The following MIDN variants were observed in gnomAD, a reference collection of about 807,000 sequenced individuals.
The protein encoded by MIDN is midnolin.
MIDN carries 26 observed loss-of-function variants against 46.1 expected under a neutral mutation model. The observed-to-expected ratio is 0.56, with a 90% confidence interval of 0.41 to 0.78. The LOEUF (loss-of-function observed/expected upper bound fraction) is 0.78. MIDN is among the 30% of genes least tolerant of loss of function. The probability of loss-of-function intolerance (pLI) is 0.00; values close to 1 mark genes in which losing one functional copy is unlikely to be tolerated. For synonymous variants in MIDN, 432 were observed against 343.3 expected, an observed-to-expected ratio of 1.26 and a Z score of -2.86; for missense variants, 850 against 771.8, an observed-to-expected ratio of 1.10 and a Z score of -1.20.
chr19:1,255,155 G>A, intron 7 of MIDN, 94 bp downstream of exon 7: 1 of 1,416,508 alleles, frequency 7.1e-7, no homozygotes, highest in Non-Finnish European at 9.7e-7. Context: ...CACATATTCT[G>A]GGCATACACA....
chr19:1,255,756 T>C (rs2081192323), intron 8 of MIDN, 62 bp downstream of exon 8: 4 of 1,427,300 alleles, frequency 2.8e-6, no homozygotes, highest in Non-Finnish European at 3.7e-6. Flanking sequence ...AAGGCCCCTC[T>C]GTGTGAGCTG....
intron 3 of MIDN, 39 bp downstream of exon 3, chr19:1,251,688 G>A (rs1187200152): frequency 6.3e-7 from 1 of 1,575,340 alleles, no homozygotes; most frequent in Non-Finnish European, 8.7e-7. Flanking sequence ...AGAGGCCCCC[G>A]CACACAGGCA....
At chr19:1,253,390 C>T (rs78900759) in intron 4 of MIDN, among the ~76,000 whole-genome samples, 2 of 151,406 alleles carry the variant, frequency 1.3e-5, no homozygotes, top group African/African-American at 4.9e-5. Flanking sequence ...TGAGTCATCC[C>T]AGCCTATGTC....
chr19:1,254,960 C>G lies in MIDN; in HGVS notation c.884C>G (p.Ser295Cys), dbSNP rs1315330602. Residue 295 changes from serine (S) to cysteine (C), a missense_variant, in exon 7 of 9, where the codon TCT (serine) becomes TGT (cysteine). Coordinates refer to ENST00000682408, the MANE Select transcript of MIDN (RefSeq NM_001388306.1). ...SSASPGASTT[S>C]TPGASPAPRS... Reference sequence around the variant, plus strand: ...GCCAGTCCTGGTGCCAGCACCACGTCTACCCCAGGGGCCAGCCCTGCCCCC... The same window carrying G: ...GCCAGTCCTGGTGCCAGCACCACGTGTACCCCAGGGGCCAGCCCTGCCCCC... 1 of 1,612,802 alleles carries G rather than the reference C, an allele frequency of 6.2e-7. No individual in the cohort carries two copies. The highest frequency in any genetic ancestry group is 8.5e-7 in the Non-Finnish European group (1 of 1,179,846).
rs752739121 is a variant in MIDN, at chr19:1,257,311, C to T, written c.*39C>T. ...GCCACCCTCGCCCCTCGCACCCCAG[C>T]CCAGGGCGGCGGGGACTCCGAGAGC... On this transcript the variant is annotated 3_prime_UTR_variant, in exon 9 of 9. Coordinates refer to ENST00000682408, the MANE Select transcript of MIDN (RefSeq NM_001388306.1). The T allele has an allele frequency of 3.8e-5, 60 of 1,584,764 alleles. No individual in the cohort carries two copies. The highest frequency in any genetic ancestry group is 7.8e-5 in the South Asian group (7 of 90,140).
At chr19:1,251,499 C>A in intron 2 of MIDN, 63 bp from the exon 3 acceptor site, 1 of 1,471,358 alleles carries the variant, frequency 6.8e-7, no homozygotes, top group African/African-American at 1.4e-5. Context: ...TCCCCCGCGG[C>A]CTCTGCTTCC....
chr19:1,256,279 C>G (rs918154545), intron 8 of MIDN, among the ~76,000 whole-genome samples: 1 of 152,146 alleles, frequency 6.6e-6, no homozygotes. Flanking sequence ...GTCAGGAGAT[C>G]GAGACCATCT....
In MIDN at chr19:1,255,022, G is replaced by C; in HGVS notation, c.946G>C (p.Val316Leu). The C allele has an allele frequency of 6.2e-7, 1 of 1,613,344 alleles. No individual in the cohort carries two copies. The highest frequency in any genetic ancestry group is 1.1e-5 in the South Asian group (1 of 91,080). The change falls in exon 7 of 9, where the codon GTG becomes CTG. Residue 316 changes from valine to leucine, a missense_variant. By Grantham distance (32) the Val-to-Leu change is conservative. Coordinates refer to ENST00000682408, the MANE Select transcript of MIDN (RefSeq NM_001388306.1). ...RKPGAVIESF[V>L]NHAPGVFSGT... ...ACCCGGCGCCGTCATCGAGAGCTTT[G>C]TGAATCACGCCCCGGGGGTCTTCTC...
rs988526248 is a variant in MIDN at position 1,254,047 on chromosome 19, C to T, written c.478C>T (p.Pro160Ser). ...LFKRPWHRQGPQSPERGGERP... is the reference protein window; with the variant it reads ...LFKRPWHRQGSQSPERGGERP... Reference sequence around the variant, plus strand: ...TAAGCGTCCGTGGCACCGACAGGGACCCCAGAGCCCAGAGAGGGGCGGCGA... The same window carrying T: ...TAAGCGTCCGTGGCACCGACAGGGATCCCAGAGCCCAGAGAGGGGCGGCGA... Residue 160 changes from proline (P) to serine (S), a missense_variant, in exon 5 of 9, where the codon CCC (proline) becomes TCC (serine). Coordinates refer to ENST00000682408, the MANE Select transcript of MIDN (RefSeq NM_001388306.1). 2.1e-6 allele frequency: 3 copies of T among 1,447,624 alleles called. No homozygotes were observed. Among genetic ancestry groups the T allele is most frequent in the African/African-American group, 1.5e-5 (1 of 66,462 alleles). 89.7% of individuals were successfully genotyped at this position (1,447,624 alleles called of 1,614,324 possible). A position where few individuals can be genotyped will look rare whatever the true frequency, so the allele number is the denominator to read the frequency against.
At position 1,258,475 on chromosome 19, in the gene MIDN, G is replaced by A. The variant is rs1223338266; in HGVS notation, c.*1203G>A. The A allele has an allele frequency of 6.6e-6, 1 of 152,524 alleles. No homozygotes were observed. Among genetic ancestry groups the A allele is most frequent in the Non-Finnish European group, 1.5e-5 (1 of 68,056 alleles). 9.4% of individuals were successfully genotyped at this position (152,524 alleles called of 1,614,324 possible). On this transcript the variant is annotated 3_prime_UTR_variant, in exon 9 of 9. Transcript: ENST00000682408. ...GGGGAGGGACAAATCCCCTACTGGG[G>A]CCATTTCAATGGGGTAGTTTTTGGA...
At chr19:1,255,149 T>C in intron 7 of MIDN, 88 bp downstream of exon 7, 1 of 1,444,164 alleles carries the variant, frequency 6.9e-7, no homozygotes, top group Non-Finnish European at 9.5e-7. Context: ...CGACTCCACA[T>C]ATTCTGGGCA....
At position 1,256,935 on chromosome 19, in the gene MIDN, G is replaced by C. The variant is rs2081205734; in HGVS notation, c.1259-60G>C. On this transcript the variant is annotated intron_variant, in intron 8 of 8. Transcript: ENST00000682408. Reference sequence around the variant, plus strand: ...AGGGGCATTTGCTGGGGTCTGGGGTGGTCCTCTGTGTTCAGCAGGTGGAGG... The same window carrying C: ...AGGGGCATTTGCTGGGGTCTGGGGTCGTCCTCTGTGTTCAGCAGGTGGAGG... 1.9e-6 allele frequency: 3 copies of C among 1,594,924 alleles called. No individual in the cohort carries two copies. In the South Asian group the frequency reaches 3.3e-5, roughly 18 times the overall value.
Position 1,257,526 on chromosome 19 carries a change from C to CTCT in MIDN, c.*256_*257insTTC. ...CACTCCTGCCCTCCTCTTCCTCCTC[C>CTCT]TCCTCCTCCTCCGTCTGTCTCCTTT... On this transcript the variant is annotated 3_prime_UTR_variant, in exon 9 of 9. Transcript: ENST00000682408. 1 of 449,476 alleles carries CTCT rather than the reference C, an allele frequency of 2.2e-6. No individual in the cohort carries two copies. The highest frequency in any genetic ancestry group is 3.2e-5 in the South Asian group (1 of 30,922). The allele number at this position is 449,476 out of a possible 1,614,324, so 27.8% of individuals were successfully genotyped here. A position where few individuals can be genotyped will look rare whatever the true frequency, so the allele number is the denominator to read the frequency against.
rs368255596 is a variant in MIDN, at chr19:1,254,143, G to A, written c.514-24G>A. Reference sequence around the variant, plus strand: ...GGGGCGCCGCAAGCTGGGGCTCCCAGCTGACGGACCGCTCTCCTTGCAGGT... The same window carrying A: ...GGGGCGCCGCAAGCTGGGGCTCCCAACTGACGGACCGCTCTCCTTGCAGGT... On this transcript the variant is annotated intron_variant, in intron 5 of 8. Transcript: ENST00000682408. 1.0e-4 allele frequency: 166 copies of A among 1,583,008 alleles called. No individual in the cohort carries two copies. In the Middle Eastern group the frequency reaches 2.5e-3, roughly 23 times the overall value.
chr19:1,249,258 C>G (rs1250130778), intron 1 of MIDN, among the ~76,000 whole-genome samples: 1 of 149,268 alleles, frequency 6.7e-6, no homozygotes, highest in African/African-American at 2.4e-5. Context: ...GAGGTGCGGG[C>G]GCCCCGCCCC....
rs373707840 is a variant in MIDN at position 1,257,517 on chromosome 19, TTCCTCCTCC to T, written c.*258_*266del. On this transcript the variant is annotated 3_prime_UTR_variant, in exon 9 of 9. Coordinates refer to ENST00000682408, the MANE Select transcript of MIDN (RefSeq NM_001388306.1). ...TTCACCCTTCACTCCTGCCCTCCTC[TTCCTCCTCC>T]TCCTCCTCCTCCGTCTGTCTCCTTT... The T allele has an allele frequency of 1.2e-5, 5 of 406,604 alleles. No homozygotes were observed. The highest frequency in any genetic ancestry group is 4.4e-5 in the African/African-American group (2 of 45,178). The allele number at this position is 406,604 out of a possible 1,614,324, so 25.2% of individuals were successfully genotyped here.
intron 8 of MIDN, among the ~76,000 whole-genome samples, chr19:1,256,578 T>G (rs2081202118): frequency 6.6e-6 from 1 of 151,414 alleles, no homozygotes; most frequent in Non-Finnish European, 1.5e-5. Flanking sequence ...CCAGGAAGAA[T>G]GAGGCAGGAC....
rs751836719 is a variant in MIDN at position 1,255,569 on chromosome 19, A to G, written c.1133A>G (p.Gln378Arg). Reference protein sequence around the residue: ...PSLAQLRCHAQCSPASPAPDL... With the variant: ...PSLAQLRCHARCSPASPAPDL... ...CTGGCCCAGCTCCGCTGCCACGCCC[A>G]GTGCTCCCCGGCCTCACCGGCCCCC... The change falls in exon 8 of 9, where the codon CAG (glutamine) becomes CGG (arginine). Residue 378 changes from glutamine to arginine, a missense_variant. By Grantham distance (43) the Gln-to-Arg change is conservative (BLOSUM62 1). Coordinates refer to ENST00000682408, the MANE Select transcript of MIDN (RefSeq NM_001388306.1). 16 of 1,611,706 alleles carry G rather than the reference A, an allele frequency of 9.9e-6. No homozygotes were observed. In the South Asian group the frequency reaches 1.1e-4, roughly 11 times the overall value.
chr19:1,254,870 C>T, intron 6 of MIDN, 32 bp from the exon 7 acceptor site: 17 of 1,578,568 alleles, frequency 1.1e-5, no homozygotes, highest in East Asian at 2.3e-5. Flanking sequence ...TGATCCTGGA[C>T]CCCGTGCTCA....
Sources: gnomAD v4.1 joint callset for allele counts (sites outside exome capture counted in the v4.1 genomes callset) on GRCh38, gnomAD v4.1.1 for gene constraint, MANE v1.5 for transcripts, NCBI Gene and HGNC (gene_info 2026-07-23, HGNC 2026-07-21) for gene names.